The following AKAP13 variants were observed in gnomAD, a reference collection of about 807,000 sequenced individuals.
AKAP13 encodes the protein A-kinase anchor protein 13.
A neutral mutation model predicts 264.5 loss-of-function variants in AKAP13; 80 were observed. That is an observed-to-expected ratio of 0.30 (90% CI 0.25 to 0.36). AKAP13 has a LOEUF of 0.36. Ranked by LOEUF, AKAP13 falls within the 10% of genes least tolerant of loss-of-function variation. The probability of loss-of-function intolerance (pLI) is 1.00; values close to 1 mark genes in which losing one functional copy is unlikely to be tolerated. For missense variants in AKAP13, 3,712 were observed against 3,435.2 expected, an observed-to-expected ratio of 1.08 and a Z score of -2.01; for synonymous variants, 1,380 against 1,250.2, an observed-to-expected ratio of 1.10 and a Z score of -2.19.
chr15:85,580,112 C>G lies in AKAP13; in HGVS notation c.2044C>G (p.Leu682Val), dbSNP rs757199837. 6.2e-7 allele frequency: 1 copy of G among 1,614,202 alleles called. No homozygotes were observed. Among genetic ancestry groups the G allele is most frequent in the South Asian group, 1.1e-5 (1 of 91,088 alleles). ...VTSSGDLVAK[L>V]CDNIVSESES... ...TTCTAGTGGCGATTTGGTTGCAAAACTGTGTGATAACATAGTTAGCGAGTC... is the reference window on the plus strand; with the variant it reads ...TTCTAGTGGCGATTTGGTTGCAAAAGTGTGTGATAACATAGTTAGCGAGTC... Residue 682 changes from leucine (L) to valine (V), a missense_variant, in exon 7 of 37, where the codon CTG (leucine) becomes GTG (valine). Physicochemically the swap from Leu to Val is conservative, Grantham distance 32 (BLOSUM62 1). Transcript: ENST00000394518.
chr15:85,459,109 CTG>C (rs1049805467), intron 1 of AKAP13, among the ~76,000 whole-genome samples: 2 of 152,234 alleles, frequency 1.3e-5, no homozygotes, highest in African/African-American at 4.8e-5. Flanking sequence ...TTGTCACAAA[CTG>C]TTATCCTTTG....
intron 5 of AKAP13, among the ~76,000 whole-genome samples, chr15:85,557,463 T>G (rs2078191409): frequency 6.6e-6 from 1 of 152,222 alleles, no homozygotes; most frequent in African/African-American, 2.4e-5. Flanking sequence ...TTGTCGTTTT[T>G]GTTAGGTGTG....
chr15:85,493,250 A>C (rs2075783952), intron 2 of AKAP13, among the ~76,000 whole-genome samples: 1 of 152,228 alleles, frequency 6.6e-6, no homozygotes, highest in Non-Finnish European at 1.5e-5. Context: ...GCACTTAGTA[A>C]ACATTCATTG....
intron 1 of AKAP13, among the ~76,000 whole-genome samples, chr15:85,459,801 G>A (rs2074438051): frequency 6.6e-6 from 1 of 152,078 alleles, no homozygotes; most frequent in Non-Finnish European, 1.5e-5. Context: ...GCCTGGCCTA[G>A]CCTGCTTTTC....
intron 2 of AKAP13, among the ~76,000 whole-genome samples, chr15:85,516,281 A>G (rs1044895642): frequency 1.3e-5 from 2 of 152,198 alleles, no homozygotes; most frequent in African/African-American, 2.4e-5. Flanking sequence ...AAACGACCTT[A>G]TGAGATAAGG....
At chr15:85,473,169 G>C (rs2075023891) in intron 1 of AKAP13, among the ~76,000 whole-genome samples, 1 of 152,038 alleles carries the variant, frequency 6.6e-6, no homozygotes, top group Non-Finnish European at 1.5e-5. Context: ...ATTAATTTAG[G>C]GAAAAAAGAC....
rs531366726 is a variant in AKAP13 at position 85,413,518 on chromosome 15, G to A, written c.-12+32720G>A. Among the ~76,000 whole-genome samples the A allele has an allele frequency of 2.9e-4, 44 of 152,322 alleles. 1 individual carries two copies. In the South Asian group the frequency reaches 7.9e-3, roughly 27 times the overall value. On this transcript the variant is annotated intron_variant, in intron 1 of 36. Transcript: ENST00000394518. ...GGAAGTGGGGATGGAGTTGAAGTCA[G>A]GTGAAGGTGAAGAGAATAGCACCAT...
intron 17 of AKAP13, among the ~76,000 whole-genome samples, chr15:85,700,892 A>G (rs1482159905): frequency 6.6e-6 from 1 of 152,176 alleles, no homozygotes; most frequent in Admixed American, 6.6e-5. Context: ...CATGTACTCA[A>G]AATTAAATAA....
At chr15:85,391,754 G>A (rs865805777) in intron 1 of AKAP13, among the ~76,000 whole-genome samples, 2 of 151,242 alleles carry the variant, frequency 1.3e-5, no homozygotes, top group Admixed American at 6.6e-5. Context: ...CAAAGTGCTG[G>A]GATCATAGGT....
intron 7 of AKAP13, chr15:85,583,016 G>T: frequency 1.0e-6 from 1 of 985,418 alleles, no homozygotes; most frequent in Non-Finnish European, 1.2e-6. Flanking sequence ...TTCTTAACGG[G>T]GGTTGAGGCT....
At chr15:85,537,252 A>G (rs547221693) in intron 4 of AKAP13, among the ~76,000 whole-genome samples, 1 of 86,196 alleles carries the variant, frequency 1.2e-5, no homozygotes, top group Non-Finnish European at 2.4e-5. Flanking sequence ...GTTCACATCA[A>G]TGAGTTGCAC....
intron 30 of AKAP13, among the ~76,000 whole-genome samples, chr15:85,734,287 C>G (rs2088274683): frequency 6.6e-6 from 1 of 152,184 alleles, no homozygotes; most frequent in Non-Finnish European, 1.5e-5. Flanking sequence ...TCAATATTTT[C>G]TATTGCTCAT....
At chr15:85,444,567 G>A (rs2073834126) in intron 1 of AKAP13, among the ~76,000 whole-genome samples, 1 of 152,104 alleles carries the variant, frequency 6.6e-6, no homozygotes, top group Non-Finnish European at 1.5e-5. Flanking sequence ...CTTTTCACAT[G>A]TTAGAAAAAT....
intron 12 of AKAP13, chr15:85,662,240 A>G: frequency 1.5e-6 from 1 of 669,466 alleles, no homozygotes; most frequent in Non-Finnish European, 2.6e-6. Context: ...CTTTTTAAAA[A>G]TTGTCAGTGT....
intron 1 of AKAP13, among the ~76,000 whole-genome samples, chr15:85,385,483 A>G (rs955703656): frequency 9.9e-5 from 15 of 152,282 alleles, no homozygotes; most frequent in African/African-American, 3.4e-4. Context: ...ACTGCTGCAA[A>G]CAGGACAGTC....
At chr15:85,392,762 T>G (rs924632552) in intron 1 of AKAP13, among the ~76,000 whole-genome samples, 4 of 152,160 alleles carry the variant, frequency 2.6e-5, no homozygotes, top group Non-Finnish European at 4.4e-5. Context: ...TAGCACATAC[T>G]CTTCCCACCA....
chr15:85,676,627 G>A lies in AKAP13; in HGVS notation c.5102-5531G>A, dbSNP rs76126590. On this transcript the variant is annotated intron_variant, in intron 14 of 36. Transcript: ENST00000394518. Reference sequence around the variant, plus strand: ...GTTGTTAAGAGGTGGAGTGAATTAGGAGATTTGGGGTGAGGGAGAAGAGAG... The same window carrying A: ...GTTGTTAAGAGGTGGAGTGAATTAGAAGATTTGGGGTGAGGGAGAAGAGAG... 9.6e-3 allele frequency among the ~76,000 whole-genome samples: 1,456 copies of A among 152,274 alleles called. 12 individuals carry two copies. The highest frequency in any genetic ancestry group is 0.024 in the Middle Eastern group (7 of 294).
Position 85,727,923 on chromosome 15 carries a change from C to T in AKAP13, c.7087+460C>T, listed in dbSNP as rs927946487. ...GAGTTGTGAGGTGAAGTTTTGGGAG[C>T]AGGGTATGTATCAATCTATGTTTGA... On this transcript the variant is annotated intron_variant, in intron 29 of 36. Transcript: ENST00000394518. The surrounding 1 kb of genome is among the most constrained non-coding windows in gnomAD (Gnocchi z 5.3). 3.3e-5 allele frequency among the ~76,000 whole-genome samples: 5 copies of T among 152,168 alleles called. No homozygotes were observed.
chr15:85,720,586 A>G (rs1447763555), intron 23 of AKAP13, among the ~76,000 whole-genome samples: 2 of 152,226 alleles, frequency 1.3e-5, no homozygotes, highest in Non-Finnish European at 2.9e-5. Flanking sequence ...AGAGGGGTAT[A>G]TAACATGTAC....
Sources: allele counts gnomAD v4.1 joint callset (sites outside exome capture counted in the v4.1 genomes callset), GRCh38; gene constraint gnomAD v4.1.1; non-coding constraint Gnocchi (gnomAD v3.1); transcripts MANE v1.5; gene names NCBI Gene and HGNC (gene_info 2026-07-23, HGNC 2026-07-21).